DIAPH2: variants seen among roughly 807,000 people sequenced by gnomAD.
DIAPH2 encodes the protein protein diaphanous homolog 2.
A neutral mutation model predicts 92.7 loss-of-function variants in DIAPH2; 35 were observed. The ratio of observed to expected loss-of-function variants is 0.38; its 90% confidence interval spans 0.29 to 0.50. The LOEUF (loss-of-function observed/expected upper bound fraction) is 0.50. Among genes scored for constraint, DIAPH2 ranks in the 20% least tolerant of loss-of-function variants. The pLI, the probability that DIAPH2 is intolerant of heterozygous loss-of-function variation, is 0.94. For synonymous variants in DIAPH2, 301 were observed against 280.4 expected (o/e 1.07, Z -0.73); for missense variants, 701 against 819.5 (o/e 0.86, Z 1.77).
At chrX:97,144,249 G>C (rs1409844702) in intron 22 of DIAPH2, among the ~76,000 whole-genome samples, 1 of 110,456 alleles carries the variant, frequency 9.1e-6, no homozygotes, top group Non-Finnish European at 1.9e-5. Context: ...AGCATTCCTC[G>C]AGCCCAGGAG....
intron 16 of DIAPH2, among the ~76,000 whole-genome samples, chrX:96,961,886 C>T (rs141686699): frequency 0.039 from 4,320 of 109,600 alleles, 101 homozygotes; most frequent in Middle Eastern, 0.085. Flanking sequence ...TGAGAAGATA[C>T]TCGATATGAT....
chrX:97,207,021 C>A (rs1377760765), intron 22 of DIAPH2, among the ~76,000 whole-genome samples: 2 of 111,139 alleles, frequency 1.8e-5, no homozygotes, highest in Non-Finnish European at 3.8e-5. Flanking sequence ...TAGTGACCTC[C>A]TGTTATCTAC....
intron 1 of DIAPH2, among the ~76,000 whole-genome samples, chrX:96,689,527 A>G (rs1362753594): frequency 9.2e-6 from 1 of 109,223 alleles, no homozygotes; most frequent in Non-Finnish European, 1.9e-5. Context: ...TCCATTTACT[A>G]GGTGTTTTTC....
intron 26 of DIAPH2, among the ~76,000 whole-genome samples, chrX:97,491,279 C>T (rs1336301122): frequency 2.7e-5 from 3 of 111,954 alleles, no homozygotes; most frequent in Non-Finnish European, 3.8e-5. Context: ...TGTCTCTTTA[C>T]TTTCAGGCTA....
At chrX:96,822,333 C>T (rs1057247126) in intron 4 of DIAPH2, among the ~76,000 whole-genome samples, 1 of 111,603 alleles carries the variant, frequency 9.0e-6, no homozygotes, top group Admixed American at 9.6e-5. Context: ...TTTCTTCCTT[C>T]CCTTCCTAGT....
chrX:96,957,859 C>T lies in DIAPH2; in HGVS notation c.1646C>T (p.Pro549Leu). Residue 549 changes from proline to leucine, a missense_variant, in exon 16 of 27, where the codon CCA (proline) becomes CTA (leucine). By Grantham distance (98) the Pro-to-Leu change is moderately conservative. Around this residue, in one of 3 missense-constraint regions of DIAPH2, gnomAD observed 536 missense variants for 599.3 expected, o/e 0.89. Transcript: ENST00000324765. The part of the protein sequence containing the change: ...AQVLSSSSGI[P>L]GPPAAPPLPG... The stretch of plus-strand genomic sequence containing the variant: ...GTACTCTCAAGTTCATCAGGAATTC[C>T]AGGTCCTCCTGCAGCACCTCCATTG... 2 of 1,210,145 alleles carry T rather than the reference C, an allele frequency of 1.7e-6. No homozygotes were observed. Among genetic ancestry groups the T allele is most frequent in the Non-Finnish European group, 2.2e-6 (2 of 894,578 alleles).
At chrX:97,488,307 A>G (rs1478017390) in intron 26 of DIAPH2, among the ~76,000 whole-genome samples, 2 of 111,813 alleles carry the variant, frequency 1.8e-5, no homozygotes, top group African/African-American at 3.2e-5. Context: ...TGTTTTTTTG[A>G]TCTTGAGTTA....
At chrX:97,312,516 A>C (rs1016712320) in intron 23 of DIAPH2, among the ~76,000 whole-genome samples, 1 of 108,129 alleles carries the variant, frequency 9.2e-6, no homozygotes, top group African/African-American at 3.4e-5. Context: ...CGCCCGGCTA[A>C]TTTTTATATT....
intron 2 of DIAPH2, among the ~76,000 whole-genome samples, chrX:96,738,334 A>G (rs895831556): frequency 1.1e-4 from 12 of 111,363 alleles, no homozygotes; most frequent in African/African-American, 3.9e-4. Flanking sequence ...ACTGTGCAAA[A>G]CAGAAATGAC....
At chrX:97,392,876 A>G (rs771614859) in intron 25 of DIAPH2, among the ~76,000 whole-genome samples, 1 of 111,632 alleles carries the variant, frequency 9.0e-6, no homozygotes, top group Admixed American at 9.6e-5. Flanking sequence ...CGTTAATGGC[A>G]TTTGGCCTAT....
rs1242983891 is a variant in DIAPH2 at position 97,092,135 on chromosome X, G to A, written c.2248-7559G>A. ...GTCTTGGACTTCAGTGTCTGGTTAT[G>A]TGTCTGGATTAGTGCTTTCTTTTTA... On this transcript the variant is annotated intron_variant, in intron 19 of 26. Transcript: ENST00000324765. Among the ~76,000 whole-genome samples the A allele has an allele frequency of 2.7e-5, 3 of 112,430 alleles. No individual in the cohort carries two copies. The Admixed American group carries it at 2.8e-4, about 11-fold the overall frequency.
At chrX:97,069,776 AT>A (rs2066657243) in intron 17 of DIAPH2, among the ~76,000 whole-genome samples, 1 of 112,339 alleles carries the variant, frequency 8.9e-6, no homozygotes, top group Non-Finnish European at 1.9e-5. Context: ...CCTATTTAAA[AT>A]ATCTTAATAC....
At chrX:96,808,545 A>C (rs1048285624) in intron 4 of DIAPH2, among the ~76,000 whole-genome samples, 1 of 111,906 alleles carries the variant, frequency 8.9e-6, no homozygotes, top group Non-Finnish European at 1.9e-5. Flanking sequence ...TTGTCCATTA[A>C]GGAAGACATT....
intron 17 of DIAPH2, among the ~76,000 whole-genome samples, chrX:97,036,180 A>G: frequency 8.9e-6 from 1 of 112,020 alleles, no homozygotes; most frequent in Admixed American, 9.5e-5. Context: ...GAAGTTTGAG[A>G]AATTAAGCTG....
intron 4 of DIAPH2, among the ~76,000 whole-genome samples, chrX:96,823,220 A>G (rs1488650152): frequency 9.0e-6 from 1 of 111,659 alleles, no homozygotes; most frequent in Non-Finnish European, 1.9e-5. Context: ...ATTTATATTC[A>G]TGCCTAGCAA....
At position 96,941,434 on chromosome X, in the gene DIAPH2, G is replaced by A. The variant is rs766964581; in HGVS notation, c.1326-584G>A. Among the ~76,000 whole-genome samples, 130 of 111,900 alleles carry A rather than the reference G, an allele frequency of 1.2e-3. 1 individual carries two copies. The highest frequency in any genetic ancestry group is 4.1e-3 in the African/African-American group (128 of 30,930). ...ACACTTTAAACAAATTGAAGCAATAGCCATGCATATTAAGTGTGTATGCTT... is the reference window on the plus strand; with the variant it reads ...ACACTTTAAACAAATTGAAGCAATAACCATGCATATTAAGTGTGTATGCTT... On this transcript the variant is annotated intron_variant, in intron 12 of 26. Coordinates refer to ENST00000324765, the MANE Select transcript of DIAPH2 (RefSeq NM_006729.5).
At chrX:97,481,140 C>A (rs1782685524) in intron 26 of DIAPH2, among the ~76,000 whole-genome samples, 1 of 111,636 alleles carries the variant, frequency 9.0e-6, no homozygotes. Context: ...CTATGTAGTT[C>A]TGTTGACACT....
intron 22 of DIAPH2, among the ~76,000 whole-genome samples, chrX:97,172,082 A>G (rs1046294160): frequency 8.9e-6 from 1 of 112,140 alleles, no homozygotes; most frequent in East Asian, 2.8e-4. Flanking sequence ...ATATATGTCT[A>G]TGCATGTCTG....
At chrX:97,304,753 A>G (rs1421831562) in intron 23 of DIAPH2, among the ~76,000 whole-genome samples, 1 of 112,300 alleles carries the variant, frequency 8.9e-6, no homozygotes, top group Non-Finnish European at 1.9e-5. Flanking sequence ...ACATGAAGCT[A>G]TCTTTTCAGA....
Sources: allele counts gnomAD v4.1 joint callset (sites outside exome capture counted in the v4.1 genomes callset), GRCh38; gene constraint gnomAD v4.1.1; regional missense constraint gnomAD v4.1.1; transcripts MANE v1.5; gene names NCBI Gene and HGNC (gene_info 2026-07-23, HGNC 2026-07-21).